MAGI1: variants seen among roughly 807,000 people sequenced by gnomAD.
MAGI1 encodes the protein membrane associated guanylate kinase, WW and PDZ domain containing 1.
Under a neutral mutation model 139.9 loss-of-function variants are expected in MAGI1, and 58 were observed. The observed-to-expected ratio is 0.41, with a 90% CI of 0.34 to 0.52. The LOEUF (loss-of-function observed/expected upper bound fraction) is 0.52. MAGI1 is among the 20% of genes least tolerant of loss of function. MAGI1 has a pLI of 0.12. For missense variants in MAGI1, 1,874 were observed against 1,901.6 expected, an observed-to-expected ratio of 0.99 and a Z score of 0.27; for synonymous variants, 812 against 737.9, an observed-to-expected ratio of 1.10 and a Z score of -1.63.
intron 12 of MAGI1, among the ~76,000 whole-genome samples, chr3:65,423,959 CCTT>C (rs1946816735): frequency 6.6e-6 from 1 of 152,150 alleles, no homozygotes; most frequent in African/African-American, 2.4e-5. Context: ...AAAAACAACT[CCTT>C]CTTGTATTTT....
intron 1 of MAGI1, among the ~76,000 whole-genome samples, chr3:65,898,078 A>G (rs1289756108): frequency 6.6e-6 from 1 of 152,198 alleles, no homozygotes; most frequent in Non-Finnish European, 1.5e-5. Flanking sequence ...TCTGTAGGAC[A>G]CTTAAGAATA....
intron 1 of MAGI1, among the ~76,000 whole-genome samples, chr3:65,970,616 T>C (rs1363391119): frequency 2.0e-5 from 3 of 150,064 alleles, no homozygotes; most frequent in Non-Finnish European, 4.4e-5. Context: ...ACTCCAGAAA[T>C]AAATGGAACA....
At chr3:65,948,148 T>C (rs190216350) in intron 1 of MAGI1, among the ~76,000 whole-genome samples, 1 of 151,982 alleles carries the variant, frequency 6.6e-6, no homozygotes, top group East Asian at 1.9e-4. Context: ...TTCACCATGT[T>C]GGCCAGGCTG....
In MAGI1 at chr3:66,037,998, T is replaced by C; in HGVS notation, c.311A>G (p.Gln104Arg). 1 of 1,573,294 alleles carries C rather than the reference T, an allele frequency of 6.4e-7. No homozygotes were observed. The highest frequency in any genetic ancestry group is 2.3e-5 in the East Asian group (1 of 44,388). Residue 104 changes from glutamine to arginine, a missense_variant and splice_region_variant, in exon 1 of 23, where the codon CAA becomes CGA. Physicochemically the swap from Gln to Arg is conservative, Grantham distance 43. Coordinates refer to ENST00000402939, the MANE Select transcript of MAGI1 (RefSeq NM_001033057.2). ...KEAVTFKAVR[Q>R]GGRLNKDLRH... ...CCCAAAGGCGCGCCCTGCCTTACCT[T>C]GTCTGACGGCCTTGAAGGTGACGGC...
intron 2 of MAGI1, among the ~76,000 whole-genome samples, chr3:65,548,449 G>T (rs1576282739): frequency 6.7e-6 from 1 of 150,292 alleles, no homozygotes; most frequent in Non-Finnish European, 1.5e-5. Flanking sequence ...GCACAAAAGG[G>T]CCTCCCTTTT....
intron 2 of MAGI1, among the ~76,000 whole-genome samples, chr3:65,560,958 T>A (rs965490232): frequency 6.6e-6 from 1 of 152,212 alleles, no homozygotes. Context: ...CGCCAGTAGA[T>A]CTTTCCTTCA....
chr3:65,484,366 A>G lies in MAGI1; in HGVS notation c.551-5568T>C, dbSNP rs191469786. On this transcript the variant is annotated intron_variant, in intron 3 of 22. Coordinates refer to ENST00000402939, the MANE Select transcript of MAGI1 (RefSeq NM_001033057.2). The stretch of plus-strand genomic sequence containing the variant: ...CTTCCTATGAGACAAGCTTTTGCAA[A>G]TAAGCCTGAGAACAGGATGGTAGTG... Among the ~76,000 whole-genome samples, 21 of 152,282 alleles carry G rather than the reference A, an allele frequency of 1.4e-4. No individual in the cohort carries two copies. The East Asian group carries it at 3.5e-3, about 25-fold the overall frequency.
chr3:65,363,024 T>G (rs1027202166), intron 21 of MAGI1, among the ~76,000 whole-genome samples: 1 of 152,026 alleles, frequency 6.6e-6, no homozygotes, highest in African/African-American at 2.4e-5. Flanking sequence ...GAGCCTAAGG[T>G]AAGACCACTG....
At chr3:65,523,514 G>A (rs2078251623) in intron 2 of MAGI1, among the ~76,000 whole-genome samples, 2 of 152,152 alleles carry the variant, frequency 1.3e-5, no homozygotes, top group South Asian at 4.1e-4. Flanking sequence ...GTTTCTCCCT[G>A]TAAATGAACT....
At chr3:66,016,566 A>G (rs1490254052) in intron 1 of MAGI1, among the ~76,000 whole-genome samples, 2 of 152,214 alleles carry the variant, frequency 1.3e-5, no homozygotes, top group Non-Finnish European at 2.9e-5. Context: ...TATGTGCCCC[A>G]GCACCGGAGC....
At position 66,027,454 on chromosome 3, in the gene MAGI1, T is replaced by G. The variant is rs564181193; in HGVS notation, c.313+10542A>C. On this transcript the variant is annotated intron_variant, in intron 1 of 22. Transcript: ENST00000402939. ...TCCCTAGTAGCTGGGACTACAAGCA[T>G]GAACCACCATGCCCCTGCTGTCAAG... is the stretch of plus-strand genomic sequence containing the variant. Among the ~76,000 whole-genome samples the G allele has an allele frequency of 2.6e-5, 4 of 152,194 alleles. No individual in the cohort carries two copies. The South Asian group carries it at 8.3e-4, about 32-fold the overall frequency.
intron 5 of MAGI1, among the ~76,000 whole-genome samples, chr3:65,467,365 T>C (rs1037411203): frequency 6.6e-6 from 1 of 152,188 alleles, no homozygotes; most frequent in Non-Finnish European, 1.5e-5. Context: ...TGCTATTCAA[T>C]GGAAGATATC....
At chr3:66,025,832 C>A (rs567236983) in intron 1 of MAGI1, among the ~76,000 whole-genome samples, 2 of 152,088 alleles carry the variant, frequency 1.3e-5, no homozygotes, top group South Asian at 4.2e-4. Flanking sequence ...GTATTGTATA[C>A]ATTGTTTAAA....
intron 1 of MAGI1, among the ~76,000 whole-genome samples, chr3:65,653,597 A>G (rs1236290358): frequency 6.6e-6 from 1 of 152,190 alleles, no homozygotes; most frequent in Non-Finnish European, 1.5e-5. Flanking sequence ...GATAGCACAA[A>G]TTGCATTTAA....
chr3:66,034,312 G>T lies in MAGI1; in HGVS notation c.313+3684C>A, dbSNP rs147235041. On this transcript the variant is annotated intron_variant, in intron 1 of 22. Transcript: ENST00000402939. ...ACTGTCCCAGGAATTGGGAGCACAG[G>T]CTTTGGAATCAGACAGAGCTGGGTT... Among the ~76,000 whole-genome samples, 684 of 152,302 alleles carry T rather than the reference G, an allele frequency of 4.5e-3. 3 individuals are homozygous for T. Among genetic ancestry groups the T allele is most frequent in the African/African-American group, 0.015 (618 of 41,560 alleles).
Position 65,430,863 on chromosome 3 carries a change from C to T in MAGI1, c.1382G>A (p.Arg461Gln), listed in dbSNP as rs1947399539. 16 of 1,612,828 alleles carry T rather than the reference C, an allele frequency of 9.9e-6. No individual in the cohort carries two copies. Among genetic ancestry groups the T allele is most frequent in the African/African-American group, 2.7e-5 (2 of 74,748 alleles). Residue 461 changes from arginine to glutamine, a missense_variant, in exon 11 of 23, where the codon CGA becomes CAA. By Grantham distance (43) the Arg-to-Gln change is conservative. This residue lies in a region of MAGI1 where 648 missense variants were observed against 598.1 expected (regional missense o/e 1.08). Coordinates refer to ENST00000402939, the MANE Select transcript of MAGI1 (RefSeq NM_001033057.2). The part of the protein sequence containing the change: ...VPLQGKPFFT[R>Q]NPSELKGKFI... ...CTTGCCTTTCAACTCAGAAGGGTTT[C>T]GTGTAAAAAAGGGTTTGCCTGGATT...
intron 1 of MAGI1, among the ~76,000 whole-genome samples, chr3:65,623,028 T>C (rs1291153913): frequency 6.6e-6 from 1 of 152,224 alleles, no homozygotes; most frequent in Non-Finnish European, 1.5e-5. Flanking sequence ...CTGTGCATAA[T>C]GTCTGATTCC....
At chr3:65,874,459 C>T (rs1403712626) in intron 1 of MAGI1, 1 of 152,162 alleles carries the variant, frequency 6.6e-6, no homozygotes, top group African/African-American at 2.4e-5. Context: ...ATGGGCAAAC[C>T]ATCTTAACAG....
chr3:65,651,838 C>T (rs142646675), intron 1 of MAGI1, among the ~76,000 whole-genome samples: 1 of 152,284 alleles, frequency 6.6e-6, no homozygotes, highest in South Asian at 2.1e-4. Context: ...TCTCCCCACT[C>T]ATCTCAAAGT....
Sources: gnomAD v4.1 joint callset for allele counts (sites outside exome capture counted in the v4.1 genomes callset) on GRCh38, gnomAD v4.1.1 for gene constraint, gnomAD v4.1.1 regional missense constraint, MANE v1.5 for transcripts, NCBI Gene and HGNC (gene_info 2026-07-23, HGNC 2026-07-21) for gene names.